The following TRIQK variants were observed in gnomAD, a reference collection of about 807,000 sequenced individuals.
The protein encoded by TRIQK is triple QxxK/R motif containing.
Under a neutral mutation model 10.8 loss-of-function variants are expected in TRIQK, and 10 were observed. The ratio of observed to expected loss-of-function variants is 0.92; its 90% CI spans 0.57 to 1.57. TRIQK has a LOEUF of 1.57. TRIQK is among the 40% of genes most tolerant of loss of function. The pLI, the probability that TRIQK is intolerant of heterozygous loss-of-function variation, is 0.00. For synonymous variants in TRIQK, 33 were observed against 33.7 expected (o/e 0.98, Z 0.07); for missense variants, 107 against 97.7 (o/e 1.09, Z -0.40).
At chr8:92,889,673 T>C (rs1816664981) in intron 4 of TRIQK, among the ~76,000 whole-genome samples, 1 of 151,696 alleles carries the variant, frequency 6.6e-6, no homozygotes, top group South Asian at 2.1e-4. Context: ...TAATAATTCA[T>C]AAGTGACTTC....
intron 2 of TRIQK, among the ~76,000 whole-genome samples, chr8:92,932,216 T>A (rs1810763497): frequency 6.6e-6 from 1 of 152,176 alleles, no homozygotes; most frequent in African/African-American, 2.4e-5. Context: ...TCACTTTATA[T>A]ATTACGCCCT....
intron 2 of TRIQK, chr8:92,927,797 A>G (rs1288432648): frequency 6.6e-6 from 1 of 152,168 alleles, no homozygotes; most frequent in Non-Finnish European, 1.5e-5. Flanking sequence ...GGTAGAGGAC[A>G]CTACAGTCAA....
intron 2 of TRIQK, among the ~76,000 whole-genome samples, chr8:92,932,977 G>A (rs1377009146): frequency 6.6e-6 from 1 of 151,932 alleles, no homozygotes; most frequent in Non-Finnish European, 1.5e-5. Flanking sequence ...CTCCTGCCCT[G>A]GGACCTGCCA....
chr8:92,894,785 A>T (rs999819028), intron 3 of TRIQK, among the ~76,000 whole-genome samples: 1 of 152,038 alleles, frequency 6.6e-6, no homozygotes, highest in Non-Finnish European at 1.5e-5. Context: ...TGCAAACTAG[A>T]TCGTCCCTGA....
chr8:92,969,243 C>A (rs947190454), upstream of TRIQK, among the ~76,000 whole-genome samples: 1 of 151,974 alleles, frequency 6.6e-6, no homozygotes, highest in African/African-American at 2.4e-5. Flanking sequence ...CCTCTTTGTT[C>A]TTTTTGCTTA....
At position 92,886,379 on chromosome 8, in the gene TRIQK, C is replaced by T; in HGVS notation, c.*243G>A. On this transcript the variant is annotated 3_prime_UTR_variant, in exon 5 of 5. Transcript: ENST00000521988. ...TGGTTCCCATTTCATCTAAATGTAC[C>T]ATGTATAGGGTGGCTGTCAAAGCAG... 4.0e-6 allele frequency: 1 copy of T among 247,852 alleles called. No individual in the cohort carries two copies. The highest frequency in any genetic ancestry group is 1.2e-4 in the South Asian group (1 of 8,086). The allele number at this position is 247,852 out of a possible 1,614,324, so 15.4% of individuals were successfully genotyped here.
intron 2 of TRIQK, among the ~76,000 whole-genome samples, chr8:92,939,030 TA>T (rs1300561582): frequency 6.6e-6 from 1 of 152,198 alleles, no homozygotes; most frequent in Non-Finnish European, 1.5e-5. Flanking sequence ...GTGGCATGAC[TA>T]GTAATTTTTA....
chr8:92,981,979 T>C (rs1243253908), intron 1 of TRIQK, among the ~76,000 whole-genome samples: 1 of 151,824 alleles, frequency 6.6e-6, no homozygotes, highest in East Asian at 1.9e-4. Flanking sequence ...CAGCTTACTA[T>C]GACATCTCAA....
upstream of TRIQK, among the ~76,000 whole-genome samples, chr8:92,966,980 C>CAAAAAA (rs10655820): frequency 1.8e-3 from 119 of 67,952 alleles, no homozygotes; most frequent in South Asian, 2.4e-3. Flanking sequence ...AAGTAGCATA[C>CAAAAAA]AAAAAAAAAA....
At chr8:92,927,434 AAC>A (rs981208336) in intron 2 of TRIQK, among the ~76,000 whole-genome samples, 30 of 152,178 alleles carry the variant, frequency 2.0e-4, no homozygotes, top group African/African-American at 6.8e-4. Context: ...GTAAAAAAAA[AAC>A]AAATAACAAA....
chr8:92,903,623 T>A (rs983935364), intron 3 of TRIQK, among the ~76,000 whole-genome samples: 1 of 152,154 alleles, frequency 6.6e-6, no homozygotes, highest in Non-Finnish European at 1.5e-5. Context: ...AATTTCCTAT[T>A]ACTCTTTTCT....
intron 2 of TRIQK, among the ~76,000 whole-genome samples, chr8:92,927,383 C>T (rs1023282836): frequency 3.3e-5 from 5 of 151,336 alleles, no homozygotes; most frequent in African/African-American, 1.2e-4. Flanking sequence ...GAAAGTGGAA[C>T]AATCTTTGGA....
upstream of TRIQK, among the ~76,000 whole-genome samples, chr8:92,967,577 T>G (rs922253718): frequency 7.2e-5 from 11 of 152,034 alleles, no homozygotes; most frequent in African/African-American, 2.7e-4. Context: ...ATCCCAGCAC[T>G]TTGGGAAGCT....
upstream of TRIQK, among the ~76,000 whole-genome samples, chr8:92,967,447 G>A (rs1009761542): frequency 3.9e-5 from 6 of 152,114 alleles, no homozygotes; most frequent in Admixed American, 2.0e-4. Context: ...TCTTCTGAAA[G>A]CTTGCTAAAT....
chr8:92,893,557 G>A (rs915721357), intron 3 of TRIQK, among the ~76,000 whole-genome samples: 1 of 151,874 alleles, frequency 6.6e-6, no homozygotes, highest in Non-Finnish European at 1.5e-5. Flanking sequence ...TGAGAAAAAT[G>A]TTACTCTGAC....
At chr8:92,979,353 T>C (rs760059683) in intron 1 of TRIQK, among the ~76,000 whole-genome samples, 17 of 152,122 alleles carry the variant, frequency 1.1e-4, no homozygotes, top group Admixed American at 2.0e-4. Context: ...CAATATCCTT[T>C]CAAATTTTTT....
chr8:92,942,105 A>C (rs570488124), intron 2 of TRIQK, among the ~76,000 whole-genome samples: 2 of 152,214 alleles, frequency 1.3e-5, no homozygotes, highest in Non-Finnish European at 2.9e-5. Context: ...TAATGCAATC[A>C]GACAAGGATG....
At chr8:93,017,110 GGAGAGA>G (rs3062508) in intron 1 of TRIQK, among the ~76,000 whole-genome samples, 3,214 of 92,672 alleles carry the variant, frequency 0.035, 92 homozygotes, top group African/African-American at 0.049. Flanking sequence ...ATATATACTT[GGAGAGA>G]GAGAGAGAGA....
intron 3 of TRIQK, among the ~76,000 whole-genome samples, chr8:92,900,248 T>C (rs1425069244): frequency 1.3e-5 from 2 of 152,156 alleles, no homozygotes; most frequent in African/African-American, 4.8e-5. Context: ...AGCTTTTTAA[T>C]ATGATGTAAT....
Sources: gnomAD v4.1 joint callset for allele counts (sites outside exome capture counted in the v4.1 genomes callset) on GRCh38, gnomAD v4.1.1 for gene constraint, MANE v1.5 for transcripts, NCBI Gene and HGNC (gene_info 2026-07-23, HGNC 2026-07-21) for gene names.